Variants in TAF4 observed in about 807,000 individuals in gnomAD.
TAF4 encodes the protein transcription initiation factor TFIID subunit 4.
A neutral mutation model predicts 90.3 loss-of-function variants in TAF4; 9 were observed. That is an observed-to-expected ratio of 0.10 (90% CI 0.06 to 0.17). The LOEUF (loss-of-function observed/expected upper bound fraction) is 0.17. Ranked by LOEUF, TAF4 falls within the 10% of genes least tolerant of loss-of-function variation. TAF4 has a pLI of 1.00. For missense variants in TAF4, 1,351 were observed against 1,370.7 expected (o/e 0.99, Z 0.23); for synonymous variants, 818 against 638.9 (o/e 1.28, Z -4.23).
intron 1 of TAF4, among the ~76,000 whole-genome samples, chr20:62,042,170 C>G (rs1166674640): frequency 6.6e-6 from 1 of 152,102 alleles, no homozygotes; most frequent in Non-Finnish European, 1.5e-5. Context: ...GCTCCACTGA[C>G]GAGAGCAAAG....
intron 9 of TAF4, among the ~76,000 whole-genome samples, chr20:62,002,224 T>C (rs1033219590): frequency 6.6e-6 from 1 of 152,206 alleles, no homozygotes; most frequent in African/African-American, 2.4e-5. Context: ...CCAGGCATGC[T>C]GGCCACCTCT....
intron 14 of TAF4, among the ~76,000 whole-genome samples, chr20:61,992,282 G>A (rs2055636517): frequency 6.6e-6 from 1 of 152,114 alleles, no homozygotes; most frequent in African/African-American, 2.4e-5. Flanking sequence ...TACAAAACGG[G>A]GCCAAGGGAG....
Position 62,011,088 on chromosome 20 carries a change from C to T in TAF4, c.1642-923G>A, listed in dbSNP as rs965939404. 2.0e-5 allele frequency among the ~76,000 whole-genome samples: 3 copies of T among 152,222 alleles called. 1 individual carries two copies. Among genetic ancestry groups the T allele is most frequent in the Non-Finnish European group, 4.4e-5 (3 of 68,032 alleles). On this transcript the variant is annotated intron_variant, in intron 3 of 14. Coordinates refer to ENST00000252996, the MANE Select transcript of TAF4 (RefSeq NM_003185.4). Reference sequence around the variant, plus strand: ...AGCCCCGCCAGCACGTGGGAAGCAACTCTGAACCAGCCCCGCTTCCAGAGG... The same window carrying T: ...AGCCCCGCCAGCACGTGGGAAGCAATTCTGAACCAGCCCCGCTTCCAGAGG...
At chr20:62,025,072 G>A (rs1183609597) in intron 1 of TAF4, among the ~76,000 whole-genome samples, 19 of 152,198 alleles carry the variant, frequency 1.2e-4, no homozygotes, top group Non-Finnish European at 5.9e-5. Flanking sequence ...AGCAACCAGA[G>A]CTCCTGGGCA....
intron 1 of TAF4, among the ~76,000 whole-genome samples, chr20:62,022,364 T>TC: frequency 6.6e-6 from 1 of 151,998 alleles, no homozygotes; most frequent in Admixed American, 6.5e-5. Context: ...GGCAGCCTCA[T>TC]CCCCAGCAGA....
chr20:62,060,494 CA>C (rs1165170616), intron 1 of TAF4, among the ~76,000 whole-genome samples: 1 of 152,204 alleles, frequency 6.6e-6, no homozygotes, highest in Non-Finnish European at 1.5e-5. Context: ...AACCTGTCAC[CA>C]AGATGACTCT....
intron 1 of TAF4, among the ~76,000 whole-genome samples, chr20:62,046,030 G>A (rs1247764812): frequency 2.6e-5 from 4 of 152,224 alleles, no homozygotes; most frequent in South Asian, 2.1e-4. Context: ...TAACTAGGCT[G>A]TTTCCCGCCA....
rs1359673928 is a variant in TAF4 at position 62,000,829 on chromosome 20, G to A, written c.2487-108C>T. On this transcript the variant is annotated intron_variant, in intron 9 of 14. Transcript: ENST00000252996. ...CACGTGGAAGGCAGGGCCGTGAGGA[G>A]GCCAGGCCTCTGTCCTCCCCGCACC... The A allele has an allele frequency of 5.6e-6, 7 of 1,244,436 alleles. No individual in the cohort carries two copies. The Admixed American group carries it at 9.7e-5, about 17-fold the overall frequency. 77.1% of individuals were successfully genotyped at this position (1,244,436 alleles called of 1,614,324 possible).
At chr20:61,988,412 A>C (rs1163457431) in intron 14 of TAF4, among the ~76,000 whole-genome samples, 1 of 152,202 alleles carries the variant, frequency 6.6e-6, no homozygotes, top group Non-Finnish European at 1.5e-5. Context: ...GGAAAAAATC[A>C]AATAAGGTCT....
intron 5 of TAF4, among the ~76,000 whole-genome samples, chr20:62,008,501 G>A (rs527780287): frequency 1.3e-4 from 19 of 150,774 alleles, no homozygotes; most frequent in South Asian, 4.2e-4. Context: ...CCCACCTTCC[G>A]GCCAGGGGAC....
intron 11 of TAF4, 48 bp downstream of exon 11, chr20:62,000,076 T>C (rs369194455): frequency 4.3e-6 from 7 of 1,613,668 alleles, no homozygotes; most frequent in African/African-American, 2.7e-5. Context: ...CAGCAGAGAG[T>C]GGGGGCCAAC....
intron 3 of TAF4, 182 bp downstream of exon 3, chr20:62,012,633 G>C (rs1448182202): frequency 1.0e-5 from 8 of 780,148 alleles, no homozygotes; most frequent in Non-Finnish European, 1.5e-5. Flanking sequence ...AAGAAATCCT[G>C]ACTTATCCCA....
intron 2 of TAF4, among the ~76,000 whole-genome samples, chr20:62,014,019 G>GT (rs2055796981): frequency 8.8e-4 from 111 of 126,460 alleles, no homozygotes; most frequent in African/African-American, 3.9e-3. Context: ...CGGGGGTGTG[G>GT]GTGTGTGTGT....
At chr20:61,998,953 A>T in intron 12 of TAF4, 30 bp downstream of exon 12, 1 of 1,609,526 alleles carries the variant, frequency 6.2e-7, no homozygotes, top group Non-Finnish European at 8.5e-7. Context: ...GGAGGTGCCC[A>T]GACGGCAGCA....
intron 1 of TAF4, among the ~76,000 whole-genome samples, chr20:62,043,775 G>A (rs945649443): frequency 2.0e-5 from 3 of 152,220 alleles, no homozygotes; most frequent in Non-Finnish European, 4.4e-5. Context: ...GTAGCAGGCT[G>A]TGCCATCCAG....
At chr20:62,043,009 T>C (rs575044354) in intron 1 of TAF4, among the ~76,000 whole-genome samples, 2 of 152,100 alleles carry the variant, frequency 1.3e-5, no homozygotes, top group Non-Finnish European at 2.9e-5. Context: ...GTTTAAAAAG[T>C]AATAAATAAT....
chr20:62,043,460 CTG>C (rs922842246), intron 1 of TAF4, among the ~76,000 whole-genome samples: 17 of 152,042 alleles, frequency 1.1e-4, no homozygotes, highest in Non-Finnish European at 1.5e-4. Context: ...AGAAAGAAAA[CTG>C]TGTTTTTATA....
At chr20:62,039,683 C>G (rs749151540) in intron 1 of TAF4, among the ~76,000 whole-genome samples, 1 of 152,136 alleles carries the variant, frequency 6.6e-6, no homozygotes, top group Non-Finnish European at 1.5e-5. Flanking sequence ...CACTTTAAAA[C>G]GCATGCAGCT....
At chr20:62,017,440 C>A (rs1443079356) in intron 1 of TAF4, among the ~76,000 whole-genome samples, 1 of 151,274 alleles carries the variant, frequency 6.6e-6, no homozygotes, top group African/African-American at 2.4e-5. Context: ...AGATAGAGAC[C>A]ATCCTGGCTA....
Sources: allele counts gnomAD v4.1 joint callset (sites outside exome capture counted in the v4.1 genomes callset), GRCh38; gene constraint gnomAD v4.1.1; transcripts MANE v1.5; gene names NCBI Gene and HGNC (gene_info 2026-07-23, HGNC 2026-07-21).